The following SULF2 variants were observed in gnomAD, a reference collection of about 807,000 sequenced individuals.
SULF2 encodes extracellular sulfatase Sulf-2.
SULF2 carries 52 observed loss-of-function variants against 107.7 expected under a neutral mutation model. That is an observed-to-expected ratio of 0.48 (90% CI 0.39 to 0.61). The LOEUF is 0.61. SULF2 is among the 20% of genes least tolerant of loss of function. The pLI, the probability that SULF2 is intolerant of heterozygous loss-of-function variation, is 0.00. For missense variants in SULF2, 993 were observed against 1,177.3 expected, an observed-to-expected ratio of 0.84 and a Z score of 2.29; for synonymous variants, 460 against 464.3, an observed-to-expected ratio of 0.99 and a Z score of 0.12.
chr20:47,676,983 G>A, intron 9 of SULF2, 95 bp downstream of exon 9: 1 of 1,361,156 alleles, frequency 7.3e-7, no homozygotes. Flanking sequence ...GCCATGGGCA[G>A]CTCCTGAATA....
intron 3 of SULF2, among the ~76,000 whole-genome samples, chr20:47,732,555 G>A (rs1197724503): frequency 6.6e-6 from 1 of 152,042 alleles, no homozygotes; most frequent in African/African-American, 2.4e-5. Flanking sequence ...AAAAACTGAG[G>A]ATGTGGCGAG....
At chr20:47,726,181 A>G (rs970541496) in intron 3 of SULF2, among the ~76,000 whole-genome samples, 4 of 152,098 alleles carry the variant, frequency 2.6e-5, no homozygotes, top group Non-Finnish European at 5.9e-5. Context: ...CCCCACTCCC[A>G]AAAGATTTTG....
intron 3 of SULF2, among the ~76,000 whole-genome samples, chr20:47,728,445 G>A (rs776463669): frequency 6.6e-6 from 1 of 152,112 alleles, no homozygotes; most frequent in African/African-American, 2.4e-5. Flanking sequence ...GGGAGTGGGG[G>A]TGGAGAGGAG....
chr20:47,726,020 C>T (rs1371598116), intron 3 of SULF2, among the ~76,000 whole-genome samples: 1 of 152,050 alleles, frequency 6.6e-6, no homozygotes, highest in Admixed American at 6.6e-5. Context: ...GAAGACAGAT[C>T]AAGGTACTGG....
In SULF2 at chr20:47,736,878, G is replaced by T. The variant is rs774146908; in HGVS notation, c.240C>A (p.Asn80Lys). The T allele has an allele frequency of 1.2e-6, 2 of 1,614,246 alleles. No homozygotes were observed. The highest frequency in any genetic ancestry group is 1.7e-6 in the Non-Finnish European group (2 of 1,180,030). Residue 80 changes from asparagine (N) to lysine (K), a missense_variant, in exon 3 of 21, where the codon AAC (asparagine) becomes AAA (lysine). Coordinates refer to ENST00000688720, the MANE Select transcript of SULF2 (RefSeq NM_001387048.1). ...AGCACATGGGTGTGGTCACGAAGGC[G>T]TTGATGAAGTGCGCCCCGCCCTGCT... is the stretch of plus-strand genomic sequence containing the variant. ...IMEQGGAHFINAFVTTPMCCP... is the reference protein window; with the variant it reads ...IMEQGGAHFIKAFVTTPMCCP...
chr20:47,778,766 G>C (rs1254013296), intron 1 of SULF2, among the ~76,000 whole-genome samples: 1 of 152,198 alleles, frequency 6.6e-6, no homozygotes, highest in East Asian at 1.9e-4. Flanking sequence ...TCTTGGAAAT[G>C]TCAGAGAGGT....
chr20:47,699,059 G>A (rs1426520721), intron 4 of SULF2, among the ~76,000 whole-genome samples: 6 of 152,088 alleles, frequency 3.9e-5, no homozygotes, highest in African/African-American at 1.2e-4. Flanking sequence ...TGAGATGACT[G>A]TAATAACTAG....
At chr20:47,679,755 A>C (rs1474944288) in intron 7 of SULF2, among the ~76,000 whole-genome samples, 3 of 152,122 alleles carry the variant, frequency 2.0e-5, no homozygotes, top group Non-Finnish European at 4.4e-5. Flanking sequence ...TGACCCTCAG[A>C]CACTGTGAGT....
In SULF2 at chr20:47,659,769, T is replaced by C. The variant is rs375080178; in HGVS notation, c.2495-39A>G. On this transcript the variant is annotated intron_variant, in intron 18 of 20. Coordinates refer to ENST00000688720, the MANE Select transcript of SULF2 (RefSeq NM_001387048.1). ...AAATGAAAAACAAAACAGGAGCAGA[T>C]AGTTTAGGCAAAACAACCCCAACAC... The C allele has an allele frequency of 2.9e-5, 46 of 1,584,056 alleles. No homozygotes were observed. The African/African-American group carries it at 4.7e-4, about 16-fold the overall frequency.
intron 1 of SULF2, among the ~76,000 whole-genome samples, chr20:47,758,568 A>G (rs1003825711): frequency 1.3e-5 from 2 of 152,130 alleles, no homozygotes; most frequent in African/African-American, 4.8e-5. Context: ...CTGTGCCCTC[A>G]GTCACCCCCC....
intron 11 of SULF2, among the ~76,000 whole-genome samples, chr20:47,668,307 C>T (rs887031383): frequency 2.0e-5 from 3 of 152,248 alleles, no homozygotes; most frequent in East Asian, 1.9e-4. Context: ...TACAGCTGCT[C>T]GCATTCCCTT....
Position 47,671,816 on chromosome 20 carries a change from G to A in SULF2, c.1576+382C>T, listed in dbSNP as rs139433187. Among the ~76,000 whole-genome samples, 718 of 152,278 alleles carry A rather than the reference G, an allele frequency of 4.7e-3. 6 individuals are homozygous for A. Among genetic ancestry groups the A allele is most frequent in the African/African-American group, 0.017 (688 of 41,542 alleles). ...TGCAGCCTCTGCCTCCTGGGTTCAA[G>A]CGATTCTCATGCCTCAGCCTCCCAA... On this transcript the variant is annotated intron_variant, in intron 11 of 20. Transcript: ENST00000688720.
Position 47,666,544 on chromosome 20 carries a change from C to T in SULF2, c.1577-56G>A. On this transcript the variant is annotated intron_variant, in intron 11 of 20. Transcript: ENST00000688720. The surrounding 1 kb of genome is among the most constrained non-coding windows in gnomAD (Gnocchi z 5.4). ...GGAGGCAGGAAAGGCTGGCCAGGCT[C>T]CCAGGGCAGTGGGTCCTTCATCAAG... 1 of 1,440,686 alleles carries T rather than the reference C, an allele frequency of 6.9e-7. No individual in the cohort carries two copies. 89.2% of individuals were successfully genotyped at this position (1,440,686 alleles called of 1,614,324 possible). A position where few individuals can be genotyped will look rare whatever the true frequency, so the allele number is the denominator to read the frequency against.
chr20:47,688,613 G>A (rs1051837912), intron 5 of SULF2, among the ~76,000 whole-genome samples: 2 of 152,172 alleles, frequency 1.3e-5, no homozygotes, highest in Admixed American at 1.3e-4. Flanking sequence ...GCGGTAGGGC[G>A]GGGTGCCGGC....
intron 2 of SULF2, 79 bp downstream of exon 2, chr20:47,757,110 C>G: frequency 7.5e-7 from 1 of 1,328,658 alleles, no homozygotes; most frequent in Non-Finnish European, 1.0e-6. Flanking sequence ...ACACCACCGC[C>G]TTGCCTCAGG....
At chr20:47,703,781 A>G (rs955701775) in intron 3 of SULF2, among the ~76,000 whole-genome samples, 4 of 152,246 alleles carry the variant, frequency 2.6e-5, no homozygotes, top group Non-Finnish European at 4.4e-5. Flanking sequence ...AAGGATGGGT[A>G]AAGAAATTGT....
intron 3 of SULF2, among the ~76,000 whole-genome samples, chr20:47,719,763 T>C (rs2089232715): frequency 6.6e-6 from 1 of 152,192 alleles, no homozygotes; most frequent in Non-Finnish European, 1.5e-5. Context: ...AGGTCTCTAT[T>C]GCAATGATTC....
At chr20:47,772,836 G>C (rs964967436) in intron 1 of SULF2, among the ~76,000 whole-genome samples, 1 of 152,198 alleles carries the variant, frequency 6.6e-6, no homozygotes, top group Non-Finnish European at 1.5e-5. Flanking sequence ...GGAGGCCACC[G>C]GTCTGGCACA....
chr20:47,749,292 A>C (rs186921594), intron 2 of SULF2, among the ~76,000 whole-genome samples: 1 of 152,332 alleles, frequency 6.6e-6, no homozygotes, highest in Admixed American at 6.5e-5. Flanking sequence ...TTTTACATGC[A>C]GCCAAACCTA....
Sources: allele counts gnomAD v4.1 joint callset (sites outside exome capture counted in the v4.1 genomes callset), GRCh38; gene constraint gnomAD v4.1.1; non-coding constraint Gnocchi (gnomAD v3.1); transcripts MANE v1.5; gene names NCBI Gene and HGNC (gene_info 2026-07-23, HGNC 2026-07-21).